IFIH1: variants seen among roughly 807,000 people sequenced by gnomAD.
IFIH1 encodes interferon-induced helicase C domain-containing protein 1.
In IFIH1, 125 loss-of-function variants were observed where a neutral mutation model predicts 107.4. The observed-to-expected ratio is 1.16, with a 90% confidence interval of 1.01 to 1.35. The LOEUF is 1.35. Ranked by LOEUF, IFIH1 falls within the 40% of genes most tolerant of loss-of-function variation. IFIH1 has a pLI of 0.00. For missense variants in IFIH1, 1,333 were observed against 1,213.7 expected (o/e 1.10, Z -1.46); for synonymous variants, 458 against 413.2 (o/e 1.11, Z -1.31).
At chr2:162,276,559 C>T (rs1682665989) in intron 11 of IFIH1, 128 bp downstream of exon 11, 1 of 1,005,090 alleles carries the variant, frequency 9.9e-7, no homozygotes. Context: ...GAATCTTGAT[C>T]ATGCCACTGC....
chr2:162,281,373 A>C lies in IFIH1; in HGVS notation c.1479T>G (p.Val493=). The C allele has an allele frequency of 6.2e-7, 1 of 1,612,722 alleles. No homozygotes were observed. The highest frequency in any genetic ancestry group is 1.3e-5 in the African/African-American group (1 of 74,920). The change falls in exon 7 of 16, where the codon GTT becomes GTG. Residue 493 remains valine (V), a synonymous_variant. Transcript: ENST00000649979. ...QILGLTASPG[V]GGATKQAKAE... ...CTTTGGCTTGCTTCGTGGCCCCTCC[A>C]ACACCAGGTGAAGCTGTTAGTCCCA...
chr2:162,296,870 G>C (rs772749440), intron 3 of IFIH1, among the ~76,000 whole-genome samples: 2 of 151,974 alleles, frequency 1.3e-5, no homozygotes, highest in Non-Finnish European at 2.9e-5. Context: ...AAAATTAATT[G>C]CAGTAATCCT....
intron 3 of IFIH1, among the ~76,000 whole-genome samples, chr2:162,304,841 T>C (rs1348547162): frequency 6.6e-6 from 1 of 152,336 alleles, no homozygotes; most frequent in East Asian, 1.9e-4. Context: ...TATCCCATAC[T>C]CTTGGAGAAC....
intron 11 of IFIH1, among the ~76,000 whole-genome samples, chr2:162,275,829 A>T (rs1691142351): frequency 6.6e-6 from 1 of 152,138 alleles, no homozygotes; most frequent in Admixed American, 6.6e-5. Context: ...TTTTTTTACT[A>T]TGCCCACAGT....
intron 4 of IFIH1, among the ~76,000 whole-genome samples, chr2:162,292,077 T>A (rs756953204): frequency 2.6e-5 from 4 of 151,882 alleles, no homozygotes; most frequent in Admixed American, 6.6e-5. Context: ...ATAGGCAAGA[T>A]GCCCTGCACA....
At chr2:162,276,086 C>CAAACAAAA in intron 11 of IFIH1, among the ~76,000 whole-genome samples, 1 of 152,244 alleles carries the variant, frequency 6.6e-6, no homozygotes, top group South Asian at 2.1e-4. Flanking sequence ...TTACATGTCA[C>CAAACAAAA]TTATTTTTGC....
chr2:162,310,357 A>G (rs1313176628), intron 2 of IFIH1: 1 of 224,950 alleles, frequency 4.4e-6, no homozygotes, highest in Non-Finnish European at 8.6e-6. Flanking sequence ...TATTGACAAA[A>G]CAATCCTTTT....
chr2:162,303,371 C>T (rs901368294), intron 3 of IFIH1, among the ~76,000 whole-genome samples: 6 of 152,194 alleles, frequency 3.9e-5, no homozygotes, highest in Admixed American at 1.3e-4. Flanking sequence ...CCGCCTCGTC[C>T]TCCCAAAGTC....
intron 8 of IFIH1, 31 bp from the exon 9 acceptor site, chr2:162,278,359 T>C (rs1482388040): frequency 9.5e-7 from 1 of 1,051,372 alleles, no homozygotes; most frequent in Non-Finnish European, 1.4e-6. Context: ...TATTCTTATG[T>C]ATTCTTATTG....
chr2:162,308,381 CTTTT>C (rs1009566916), intron 2 of IFIH1, among the ~76,000 whole-genome samples: 2 of 141,722 alleles, frequency 1.4e-5, no homozygotes, highest in Admixed American at 7.1e-5. Context: ...TTCATTTAAT[CTTTT>C]TTTTTTTTTT....
At chr2:162,293,753 A>G in intron 3 of IFIH1, 85 bp from the exon 4 acceptor site, 4 of 782,090 alleles carry the variant, frequency 5.1e-6, no homozygotes, top group Non-Finnish European at 8.3e-6. Flanking sequence ...AGCACACAGT[A>G]CATACAGTTC....
intron 10 of IFIH1, among the ~76,000 whole-genome samples, 164 bp downstream of exon 10, chr2:162,277,251 T>C (rs1682700379): frequency 6.6e-6 from 1 of 152,168 alleles, no homozygotes; most frequent in Admixed American, 6.6e-5. Flanking sequence ...ACTGTGATCA[T>C]ACAACTGGTA....
chr2:162,274,534 T>A (rs1691113897), intron 11 of IFIH1, among the ~76,000 whole-genome samples: 1 of 152,178 alleles, frequency 6.6e-6, no homozygotes, highest in East Asian at 1.9e-4. Flanking sequence ...GTATGCCTTG[T>A]GCCTCATTAA....
At chr2:162,316,968 C>G (rs1475781509) in intron 1 of IFIH1, among the ~76,000 whole-genome samples, 2 of 151,562 alleles carry the variant, frequency 1.3e-5, no homozygotes, top group East Asian at 3.9e-4. Context: ...TGAATTGTTT[C>G]TAAATTTTGA....
chr2:162,291,000 T>C (rs1682987518), intron 4 of IFIH1, among the ~76,000 whole-genome samples: 1 of 151,746 alleles, frequency 6.6e-6, no homozygotes, highest in South Asian at 2.1e-4. Flanking sequence ...AAAAGAAATG[T>C]TTGGGTTTTT....
chr2:162,276,685 A>G lies in IFIH1; in HGVS notation c.2304+2T>C, dbSNP rs772881414. 1.2e-6 allele frequency: 2 copies of G among 1,606,346 alleles called. No individual in the cohort carries two copies. The highest frequency in any genetic ancestry group is 1.7e-6 in the Non-Finnish European group (2 of 1,177,656). ...AGAAGTCGTCCAAAAGGATATTTATACCTGTGTCATGGGTTTGAACTCACT... is the reference window on the plus strand; with the variant it reads ...AGAAGTCGTCCAAAAGGATATTTATGCCTGTGTCATGGGTTTGAACTCACT... On this transcript the variant is annotated splice_donor_variant, in intron 11 of 15. Transcript: ENST00000649979. LOFTEE classifies it high-confidence loss of function.
intron 13 of IFIH1, among the ~76,000 whole-genome samples, chr2:162,270,334 T>C (rs1233281064): frequency 1.3e-5 from 2 of 152,226 alleles, no homozygotes; most frequent in South Asian, 2.1e-4. Flanking sequence ...ACTGTGTTTA[T>C]GACATGGAAG....
In IFIH1 at chr2:162,301,677, T is replaced by C. The variant is rs146037998; in HGVS notation, c.769+5032A>G. 2.0e-5 allele frequency among the ~76,000 whole-genome samples: 3 copies of C among 152,340 alleles called. No homozygotes were observed. The East Asian group carries it at 5.8e-4, about 29-fold the overall frequency. ...CACAACTAATTTAACTGTTCGCTTTTAGAAGTAAAATATTTGCTATATAGA... is the reference window on the plus strand; with the variant it reads ...CACAACTAATTTAACTGTTCGCTTTCAGAAGTAAAATATTTGCTATATAGA... On this transcript the variant is annotated intron_variant, in intron 3 of 15. Transcript: ENST00000649979.
Position 162,268,182 on chromosome 2 carries a change from A to T in IFIH1, c.2712T>A (p.Thr904=). The change falls in exon 14 of 16, where the codon ACT becomes ACA. Residue 904 remains threonine, a synonymous_variant. Coordinates refer to ENST00000649979, the MANE Select transcript of IFIH1 (RefSeq NM_022168.4). Reference sequence around the variant, plus strand: ...GCACACTGCAGTTTTTGCAAAGGAAAGTTATTAGTGATGGGTTATTCTTGT... The same window carrying T: ...GCACACTGCAGTTTTTGCAAAGGAATGTTATTAGTGATGGGTTATTCTTGT... ...KHYKNNPSLI[T]FLCKNCSVLA... 6.2e-7 allele frequency: 1 copy of T among 1,613,282 alleles called. No individual in the cohort carries two copies. Among genetic ancestry groups the T allele is most frequent in the Admixed American group, 1.7e-5 (1 of 59,990 alleles).
Sources: gnomAD v4.1 joint callset for allele counts (sites outside exome capture counted in the v4.1 genomes callset) on GRCh38, gnomAD v4.1.1 for gene constraint, MANE v1.5 for transcripts, NCBI Gene and HGNC (gene_info 2026-07-23, HGNC 2026-07-21) for gene names.